Variants in APOLD1 observed in about 807,000 individuals in gnomAD.
APOLD1 encodes the protein apolipoprotein L domain-containing protein 1.
A neutral mutation model predicts 15.3 loss-of-function variants in APOLD1; 22 were observed. The observed-to-expected ratio is 1.44, with a 90% CI of 1.03 to 2.05. The LOEUF is 2.05. Among genes scored for constraint, APOLD1 ranks in the 30% most tolerant of loss-of-function variants. The probability of loss-of-function intolerance (pLI) is 0.00; values close to 1 mark genes in which losing one functional copy is unlikely to be tolerated. For missense variants in APOLD1, 394 were observed against 353.5 expected, an observed-to-expected ratio of 1.11 and a Z score of -0.92; for synonymous variants, 190 against 167.4, an observed-to-expected ratio of 1.13 and a Z score of -1.04.
At chr12:12,786,602 A>T (rs1947126297) in intron 1 of APOLD1, 7 of 968,422 alleles carry the variant, frequency 7.2e-6, no homozygotes, top group African/African-American at 1.8e-5. Context: ...CCCAGTTTAA[A>T]TCTTATTTAA....
intron 1 of APOLD1, among the ~76,000 whole-genome samples, chr12:12,738,823 T>G (rs1946710021): frequency 6.6e-6 from 1 of 152,226 alleles, no homozygotes; most frequent in Non-Finnish European, 1.5e-5. Context: ...GGAGGCATCC[T>G]TTGTTCCTGA....
chr12:12,743,163 A>G (rs1946740900), intron 1 of APOLD1, among the ~76,000 whole-genome samples: 1 of 152,248 alleles, frequency 6.6e-6, no homozygotes, highest in Non-Finnish European at 1.5e-5. Context: ...GTAGGTAGAT[A>G]AGAGCCAAGT....
chr12:12,787,713 T>C lies in APOLD1; in HGVS notation c.*61T>C. On this transcript the variant is annotated 3_prime_UTR_variant, in exon 2 of 2. Coordinates refer to ENST00000356591, the MANE Select transcript of APOLD1 (RefSeq NM_030817.3). This position sits in a 1 kb window ranked among gnomAD's most constrained non-coding sequence, Gnocchi z 4.9. ...ATCATCCTCATGGGATGCTCCAGAA[T>C]TTGTAGCTCCCTTAGGAAAACACCA... The C allele has an allele frequency of 2.6e-6, 4 of 1,516,470 alleles. No individual in the cohort carries two copies. The highest frequency in any genetic ancestry group is 2.3e-5 in the East Asian group (1 of 44,154). The allele number at this position is 1,516,470 out of a possible 1,614,324, so 93.9% of individuals were successfully genotyped here. A position where few individuals can be genotyped will look rare whatever the true frequency, so the allele number is the denominator to read the frequency against.
chr12:12,747,163 G>A (rs963878273), intron 1 of APOLD1, among the ~76,000 whole-genome samples: 3 of 152,142 alleles, frequency 2.0e-5, no homozygotes, highest in African/African-American at 4.8e-5. Flanking sequence ...CCAGGCTGGA[G>A]TGCAGTGGTG....
chr12:12,737,321 A>G (rs150393344), intron 1 of APOLD1, among the ~76,000 whole-genome samples: 98 of 152,198 alleles, frequency 6.4e-4, no homozygotes, highest in East Asian at 6.4e-3. Context: ...GGAAGCTATA[A>G]TGGCTGTGAC....
At chr12:12,753,815 AT>A (rs1946833752) in intron 1 of APOLD1, among the ~76,000 whole-genome samples, 1 of 152,206 alleles carries the variant, frequency 6.6e-6, no homozygotes, top group Admixed American at 6.5e-5. Flanking sequence ...AAATTTGTGA[AT>A]AGAAAAGATA....
chr12:12,772,000 A>G (rs960662288), intron 1 of APOLD1, among the ~76,000 whole-genome samples: 12 of 152,306 alleles, frequency 7.9e-5, no homozygotes, highest in African/African-American at 2.9e-4. Context: ...ATGCTAAAAA[A>G]TGAGAAAAAA....
intron 1 of APOLD1, among the ~76,000 whole-genome samples, chr12:12,740,546 C>G (rs1324321107): frequency 6.6e-6 from 1 of 152,240 alleles, no homozygotes; most frequent in African/African-American, 2.4e-5. Context: ...CAGTAGTTGA[C>G]TGTCTTCTGA....
At chr12:12,771,845 G>A in intron 1 of APOLD1, 1 of 194,658 alleles carries the variant, frequency 5.1e-6, no homozygotes, top group Non-Finnish European at 1.1e-5. Context: ...AGAGAAATTA[G>A]GATTATTTCT....
intron 1 of APOLD1, among the ~76,000 whole-genome samples, chr12:12,735,870 C>G (rs1176691557): frequency 6.6e-6 from 1 of 152,054 alleles, no homozygotes; most frequent in African/African-American, 2.4e-5. Context: ...TCGCTTGGGC[C>G]CAGGAATTCA....
At chr12:12,776,029 CAACA>C (rs1392185736) in intron 1 of APOLD1, among the ~76,000 whole-genome samples, 7 of 101,350 alleles carry the variant, frequency 6.9e-5, no homozygotes, top group South Asian at 6.2e-4. Flanking sequence ...AAAAAAAACA[CAACA>C]AACAAACAAA....
chr12:12,759,409 G>C (rs1214502859), intron 1 of APOLD1, among the ~76,000 whole-genome samples: 1 of 152,004 alleles, frequency 6.6e-6, no homozygotes, highest in Non-Finnish European at 1.5e-5. Context: ...GTCTTTGTTA[G>C]CTTCCTTGCT....
rs983695655 is a variant in APOLD1, at chr12:12,789,825, G to C, written c.*2173G>C. On this transcript the variant is annotated 3_prime_UTR_variant, in exon 2 of 2. Coordinates refer to ENST00000356591, the MANE Select transcript of APOLD1 (RefSeq NM_030817.3). ...CTGTCCGCACCCTTCCCAGTGATGG[G>C]GCAGTATGTCTGAGGAAGTATAATT... 1 of 152,190 alleles carries C rather than the reference G, an allele frequency of 6.6e-6. No homozygotes were observed. The highest frequency in any genetic ancestry group is 2.4e-5 in the African/African-American group (1 of 41,444). The allele number at this position is 152,190 out of a possible 1,614,324, so 9.4% of individuals were successfully genotyped here.
intron 1 of APOLD1, among the ~76,000 whole-genome samples, chr12:12,742,458 T>C (rs899557903): frequency 6.6e-6 from 1 of 152,120 alleles, no homozygotes; most frequent in Non-Finnish European, 1.5e-5. Flanking sequence ...GCCACCTTCT[T>C]CCAAGGTAGA....
intron 1 of APOLD1, among the ~76,000 whole-genome samples, chr12:12,753,234 AAATG>A (rs1327281514): frequency 1.3e-5 from 2 of 152,272 alleles, no homozygotes; most frequent in African/African-American, 4.8e-5. Context: ...CCATCTGAGA[AAATG>A]AATTAACACA....
At chr12:12,771,380 A>T in intron 1 of APOLD1, 2 of 330,386 alleles carry the variant, frequency 6.1e-6, no homozygotes, top group Middle Eastern at 1.1e-3. Flanking sequence ...CAATGGCTAC[A>T]ATAGCCATAA....
intron 1 of APOLD1, among the ~76,000 whole-genome samples, chr12:12,726,685 T>G (rs375294703): frequency 1.3e-5 from 2 of 152,198 alleles, no homozygotes; most frequent in East Asian, 1.9e-4. Flanking sequence ...AACTCAGTGG[T>G]GACATTTTTT....
At chr12:12,748,348 G>T (rs963928796) in intron 1 of APOLD1, among the ~76,000 whole-genome samples, 2 of 152,194 alleles carry the variant, frequency 1.3e-5, no homozygotes, top group South Asian at 4.1e-4. Flanking sequence ...AGAGGGCAAG[G>T]TGGAGGGGCT....
At chr12:12,774,018 G>T (rs1947008347) in intron 1 of APOLD1, among the ~76,000 whole-genome samples, 1 of 152,078 alleles carries the variant, frequency 6.6e-6, no homozygotes, top group Admixed American at 6.5e-5. Context: ...AAATCTAGAT[G>T]ACCCTGGACT....
Sources: allele counts gnomAD v4.1 joint callset (sites outside exome capture counted in the v4.1 genomes callset), GRCh38; gene constraint gnomAD v4.1.1; non-coding constraint Gnocchi (gnomAD v3.1); transcripts MANE v1.5; gene names NCBI Gene and HGNC (gene_info 2026-07-23, HGNC 2026-07-21).